The following DCLK1 variants were observed in gnomAD, a reference collection of about 807,000 sequenced individuals.
DCLK1 encodes the protein doublecortin like kinase 1.
In DCLK1, 16 loss-of-function variants were observed where a neutral mutation model predicts 86.2. The observed-to-expected ratio is 0.19, with a 90% CI of 0.13 to 0.28. DCLK1 has a LOEUF of 0.28. Among genes scored for constraint, DCLK1 ranks in the 10% least tolerant of loss-of-function variants. DCLK1 has a pLI of 1.00. For missense variants in DCLK1, 590 were observed against 940.2 expected (o/e 0.63, Z 4.87); for synonymous variants, 369 against 370.5 (o/e 1.00, Z 0.05).
intron 4 of DCLK1, among the ~76,000 whole-genome samples, chr13:35,917,708 C>G (rs1875507367): frequency 6.6e-6 from 1 of 152,148 alleles, no homozygotes; most frequent in African/African-American, 2.4e-5. Context: ...CTGCATGCCC[C>G]CCACCTACCA....
chr13:35,988,678 C>A (rs1410976352), intron 3 of DCLK1, among the ~76,000 whole-genome samples: 1 of 152,138 alleles, frequency 6.6e-6, no homozygotes, highest in Non-Finnish European at 1.5e-5. Flanking sequence ...AACAGCTGAC[C>A]TGAAGTTAAA....
intron 16 of DCLK1, among the ~76,000 whole-genome samples, chr13:35,778,144 A>C (rs1366817309): frequency 6.6e-6 from 1 of 152,206 alleles, no homozygotes; most frequent in Admixed American, 6.5e-5. Context: ...GAGAAAGTAC[A>C]ATAGAGGTGA....
chr13:35,962,665 G>GT (rs1878519464), intron 3 of DCLK1, among the ~76,000 whole-genome samples: 1 of 152,160 alleles, frequency 6.6e-6, no homozygotes, highest in African/African-American at 2.4e-5. Flanking sequence ...CAAAACAACT[G>GT]TTAAAAGGCT....
intron 4 of DCLK1, among the ~76,000 whole-genome samples, chr13:35,886,298 A>G (rs988535370): frequency 1.3e-5 from 2 of 152,126 alleles, no homozygotes; most frequent in Admixed American, 1.3e-4. Context: ...AGAGTAAGAC[A>G]CCATGCCCGG....
chr13:35,785,804 GC>G (rs965579201), intron 16 of DCLK1, among the ~76,000 whole-genome samples: 1 of 152,212 alleles, frequency 6.6e-6, no homozygotes, highest in Non-Finnish European at 1.5e-5. Context: ...AAAGTTGGCT[GC>G]CACCATGGTT....
At chr13:35,873,773 A>G (rs4943345) in intron 4 of DCLK1, among the ~76,000 whole-genome samples, 49,161 of 151,958 alleles carry the variant, frequency 0.32, 8,388 homozygotes, top group Admixed American at 0.42. Flanking sequence ...ATCTTTGCCA[A>G]TTTCTAAACA....
intron 3 of DCLK1, among the ~76,000 whole-genome samples, chr13:35,991,459 G>A (rs756701370): frequency 6.6e-6 from 1 of 152,002 alleles, no homozygotes; most frequent in African/African-American, 2.4e-5. Flanking sequence ...CCAGGAGTTC[G>A]AGACCAGCCT....
intron 3 of DCLK1, among the ~76,000 whole-genome samples, chr13:36,052,533 A>C (rs771238524): frequency 6.6e-6 from 1 of 152,074 alleles, no homozygotes; most frequent in Non-Finnish European, 1.5e-5. Context: ...GAGCTCTAAG[A>C]CTCTAGGACA....
rs1873475874 is a variant in DCLK1, at chr13:35,889,071, T to C, written c.824-17731A>G. On this transcript the variant is annotated intron_variant, in intron 4 of 16. Coordinates refer to ENST00000360631, the MANE Select transcript of DCLK1 (RefSeq NM_001330071.2). ...GCTTTTGTGTTTAGAAAACAGATAA[T>C]CTTGTTCTCTTCTTTCTCTCTGGAA... Among the ~76,000 whole-genome samples the C allele has an allele frequency of 2.0e-5, 3 of 152,200 alleles. No individual in the cohort carries two copies. The South Asian group carries it at 6.2e-4, about 31-fold the overall frequency.
intron 4 of DCLK1, among the ~76,000 whole-genome samples, chr13:35,922,514 A>T (rs564191091): frequency 1.3e-5 from 2 of 152,352 alleles, no homozygotes; most frequent in African/African-American, 4.8e-5. Context: ...CTTTGACTGT[A>T]CAATGTAACT....
At chr13:35,783,178 A>C (rs2086560450) in intron 16 of DCLK1, among the ~76,000 whole-genome samples, 1 of 152,236 alleles carries the variant, frequency 6.6e-6, no homozygotes. Flanking sequence ...TGAGCGGTTT[A>C]CTCTAATCAG....
chr13:35,910,221 A>G (rs1387430497), intron 4 of DCLK1, among the ~76,000 whole-genome samples: 2 of 152,238 alleles, frequency 1.3e-5, no homozygotes, highest in Admixed American at 1.3e-4. Context: ...CAGCAATAAT[A>G]AACTGAAATG....
Position 35,810,756 on chromosome 13 carries a change from A to G in DCLK1, c.1688+79T>C, listed in dbSNP as rs1042757207. 2.6e-6 allele frequency: 4 copies of G among 1,544,830 alleles called. No homozygotes were observed. In the African/African-American group the frequency reaches 5.5e-5, roughly 21 times the overall value. The stretch of plus-strand genomic sequence containing the variant: ...AGCTAATTATGTCTGGATAGGGCAC[A>G]GCAGTACTATTTTTCCTATTCTCGA... On this transcript the variant is annotated intron_variant, in intron 12 of 16. Transcript: ENST00000360631.
At chr13:35,869,512 A>G (rs1471878136) in intron 5 of DCLK1, among the ~76,000 whole-genome samples, 1 of 152,228 alleles carries the variant, frequency 6.6e-6, no homozygotes, top group Non-Finnish European at 1.5e-5. Flanking sequence ...TGCTACTTGG[A>G]GGCAAACAGG....
chr13:35,802,687 A>G (rs1315522348), intron 15 of DCLK1, among the ~76,000 whole-genome samples: 1 of 152,212 alleles, frequency 6.6e-6, no homozygotes, highest in Admixed American at 6.5e-5. Context: ...TTCTTCAACA[A>G]TTTGAGCAAA....
intron 3 of DCLK1, among the ~76,000 whole-genome samples, chr13:36,083,722 A>G (rs548406111): frequency 6.6e-6 from 1 of 152,206 alleles, no homozygotes; most frequent in Non-Finnish European, 1.5e-5. Flanking sequence ...AAAAATTTCA[A>G]CAAATATTTA....
At chr13:36,089,063 G>A (rs1482796044) in intron 3 of DCLK1, among the ~76,000 whole-genome samples, 1 of 151,860 alleles carries the variant, frequency 6.6e-6, no homozygotes, top group African/African-American at 2.4e-5. Context: ...ATCATCATTG[G>A]TGCAATTTCT....
chr13:36,072,099 A>G (rs755315112), intron 3 of DCLK1, among the ~76,000 whole-genome samples: 3 of 152,074 alleles, frequency 2.0e-5, no homozygotes, highest in Non-Finnish European at 2.9e-5. Context: ...CTATGTTTGC[A>G]TCAATTTCTC....
rs140269668 is a variant in DCLK1, at chr13:35,936,962, C to CTTTTTTTTTTTTTTTTTTTTTTTTTTT, written c.823+10395_823+10396insAAAAAAAAAAAAAAAAAAAAAAAAAAA. Among the ~76,000 whole-genome samples, 21 of 65,736 alleles carry CTTTTTTTTTTTTTTTTTTTTTTTTTTT rather than the reference C, an allele frequency of 3.2e-4. 2 individuals carry two copies. Among genetic ancestry groups the CTTTTTTTTTTTTTTTTTTTTTTTTTTT allele is most frequent in the East Asian group, 1.2e-3 (2 of 1,620 alleles). 43.1% of individuals were successfully genotyped at this position (65,736 alleles called of 152,430 possible). A position where few individuals can be genotyped will look rare whatever the true frequency, so the allele number is the denominator to read the frequency against. On this transcript the variant is annotated intron_variant, in intron 4 of 16. Transcript: ENST00000360631. ...TTAAAACATCCAAAAGAAAAGTTAGCTTTTTTTTTTTTTTTTTTTTTTTTT... is the reference window on the plus strand; with the variant it reads ...TTAAAACATCCAAAAGAAAAGTTAGCTTTTTTTTTTTTTTTTTTTTTTTTTTTTTTTTTTTTTTTTTTTTTTTTTTTT...
Sources: gnomAD v4.1 joint callset for allele counts (sites outside exome capture counted in the v4.1 genomes callset) on GRCh38, gnomAD v4.1.1 for gene constraint, MANE v1.5 for transcripts, NCBI Gene and HGNC (gene_info 2026-07-23, HGNC 2026-07-21) for gene names.